Variants in USP32 observed in about 807,000 individuals in gnomAD.
USP32 encodes ubiquitin specific peptidase 32, also known as ubiquitin carboxyl-terminal hydrolase 32.
A neutral mutation model predicts 204.8 loss-of-function variants in USP32; 59 were observed. The observed-to-expected ratio is 0.29, with a 90% confidence interval of 0.23 to 0.36. The LOEUF (loss-of-function observed/expected upper bound fraction) is 0.36, where lower values mean the gene tolerates loss of function less well. Ranked by LOEUF, USP32 falls within the 10% of genes least tolerant of loss-of-function variation. The pLI, the probability that USP32 is intolerant of heterozygous loss-of-function variation, is 1.00. For synonymous variants in USP32, 517 were observed against 678.4 expected (o/e 0.76, Z 3.70); for missense variants, 1,160 against 1,946.4 (o/e 0.60, Z 7.60).
At chr17:60,258,357 T>C (rs1309340308) in intron 9 of USP32, 3 of 184,084 alleles carry the variant, frequency 1.6e-5, no homozygotes, top group Non-Finnish European at 3.9e-5. Flanking sequence ...TTTTAGAACA[T>C]CAGAACTCTT....
At chr17:60,407,599 C>T (rs1402130931) in intron 1 of USP32, among the ~76,000 whole-genome samples, 1 of 151,964 alleles carries the variant, frequency 6.6e-6, no homozygotes, top group Non-Finnish European at 1.5e-5. Context: ...GGGAAGACTA[C>T]AAAATACAGA....
chr17:60,273,172 C>T (rs780309235), intron 5 of USP32, among the ~76,000 whole-genome samples: 2 of 152,154 alleles, frequency 1.3e-5, no homozygotes, highest in South Asian at 2.1e-4. Context: ...GGAGTTTCGC[C>T]GTATCACCCA....
intron 1 of USP32, among the ~76,000 whole-genome samples, chr17:60,371,253 TAAAAAAAAAAAAAAA>T (rs373242290): frequency 4.5e-5 from 3 of 66,294 alleles, no homozygotes; most frequent in African/African-American, 1.6e-4. Context: ...CTCTAAAAAT[TAAAAAAAAAAAAAAA>T]AAAAAAAAAA....
At chr17:60,369,151 C>T (rs1490128096) in intron 1 of USP32, among the ~76,000 whole-genome samples, 8 of 143,088 alleles carry the variant, frequency 5.6e-5, no homozygotes, top group African/African-American at 2.3e-4. Flanking sequence ...CCCGCCACTA[C>T]GCCCGGCTAA....
chr17:60,282,847 C>T (rs147694276), intron 5 of USP32, among the ~76,000 whole-genome samples: 41 of 152,262 alleles, frequency 2.7e-4, no homozygotes, highest in African/African-American at 8.9e-4. Flanking sequence ...CTTTAAGAGG[C>T]TGAAAAATTT....
At chr17:60,194,333 C>T (rs1227859621) in intron 27 of USP32, among the ~76,000 whole-genome samples, 14 of 152,120 alleles carry the variant, frequency 9.2e-5, no homozygotes, top group African/African-American at 1.9e-4. Flanking sequence ...CGTGAGTCAC[C>T]GCACCCTACC....
At chr17:60,184,028 T>C (rs1395583076) in intron 30 of USP32, among the ~76,000 whole-genome samples, 1 of 152,124 alleles carries the variant, frequency 6.6e-6, no homozygotes, top group African/African-American at 2.4e-5. Flanking sequence ...GGCTCACGCC[T>C]ATAAACCCCG....
chr17:60,222,505 T>C lies in USP32; in HGVS notation c.1653A>G (p.Pro551=), dbSNP rs201029256. The C allele has an allele frequency of 6.2e-6, 10 of 1,614,148 alleles. No individual in the cohort carries two copies. Among genetic ancestry groups the C allele is most frequent in the Non-Finnish European group, 8.5e-6 (10 of 1,180,014 alleles). The change falls in exon 15 of 34, where the codon CCA becomes CCG. Residue 551 remains proline, a synonymous_variant. Transcript: ENST00000300896. ...CATAGTCTCTTCCATGAATCAGCTG[T>C]GGAGTTCGTTTTAATCGTCCTCCTT... The part of the protein sequence containing the change: ...TLEGGRLKRT[P]QLIHGRDYEM...
chr17:60,396,464 A>G (rs911527683), upstream of USP32, among the ~76,000 whole-genome samples: 9 of 152,244 alleles, frequency 5.9e-5, no homozygotes, highest in Non-Finnish European at 1.0e-4. Context: ...AAATATTGAA[A>G]GAATGACTAA....
intron 2 of USP32, among the ~76,000 whole-genome samples, chr17:60,306,691 A>C (rs1408486207): frequency 1.3e-5 from 2 of 152,166 alleles, no homozygotes; most frequent in Admixed American, 1.3e-4. Flanking sequence ...CAGAGCAATC[A>C]GGCAAGAGAA....
At position 60,301,510 on chromosome 17, in the gene USP32, CAATT is replaced by C. The variant is rs373335526; in HGVS notation, c.292+85_292+88del. The C allele has an allele frequency of 3.5e-4, 266 of 751,982 alleles. 1 individual carries two copies. In the African/African-American group the frequency reaches 4.5e-3, roughly 13 times the overall value. 46.6% of individuals were successfully genotyped at this position (751,982 alleles called of 1,614,324 possible). ...TTGTATATCTTCTTTGGGAAAATGT[CAATT>C]CAAATCCTCTACCTGTCATCAGAAT... On this transcript the variant is annotated intron_variant, in intron 3 of 33. Transcript: ENST00000300896.
intron 5 of USP32, among the ~76,000 whole-genome samples, chr17:60,283,467 CATT>C (rs1294352481): frequency 4.6e-5 from 7 of 152,002 alleles, no homozygotes; most frequent in East Asian, 3.9e-4. Context: ...CCTTTCGTAT[CATT>C]GAGAGGAAGT....
At chr17:60,414,620 G>T (rs1015975196) in intron 1 of USP32, among the ~76,000 whole-genome samples, 1 of 151,386 alleles carries the variant, frequency 6.6e-6, no homozygotes, top group South Asian at 2.1e-4. Context: ...GTAGAGACGG[G>T]GTTTTGCCAT....
At chr17:60,363,382 G>A (rs1337436813) in intron 1 of USP32, among the ~76,000 whole-genome samples, 1 of 150,328 alleles carries the variant, frequency 6.7e-6, no homozygotes, top group Non-Finnish European at 1.5e-5. Context: ...TTGAACCCGG[G>A]AGGTGGAGGT....
At chr17:60,190,454 G>C in intron 29 of USP32, 109 bp downstream of exon 29, 1 of 1,409,146 alleles carries the variant, frequency 7.1e-7, no homozygotes, top group South Asian at 1.7e-5. Context: ...GCCAATGAAG[G>C]TTTTTCTGGT....
chr17:60,416,367 A>G (rs1450122098), intron 1 of USP32, among the ~76,000 whole-genome samples: 1 of 152,188 alleles, frequency 6.6e-6, no homozygotes, highest in African/African-American at 2.4e-5. Context: ...GAGGTAAAGC[A>G]TGATGATTAT....
At chr17:60,420,645 A>G (rs951050450) in intron 1 of USP32, among the ~76,000 whole-genome samples, 8 of 152,202 alleles carry the variant, frequency 5.3e-5, no homozygotes, top group Non-Finnish European at 1.2e-4. Flanking sequence ...AGCCTGGGCA[A>G]TAAGAGCAAA....
intron 2 of USP32, among the ~76,000 whole-genome samples, chr17:60,334,719 A>T (rs2088476241): frequency 7.0e-6 from 1 of 143,168 alleles, no homozygotes; most frequent in Non-Finnish European, 1.5e-5. Context: ...AAGAAACATA[A>T]ACAGTTGATA....
chr17:60,327,802 C>T (rs2088281371), intron 2 of USP32, among the ~76,000 whole-genome samples: 1 of 152,228 alleles, frequency 6.6e-6, no homozygotes, highest in South Asian at 2.1e-4. Context: ...AGCCCCTGCT[C>T]CAATCTTGGA....
Sources: gnomAD v4.1 joint callset for allele counts (sites outside exome capture counted in the v4.1 genomes callset) on GRCh38, gnomAD v4.1.1 for gene constraint, MANE v1.5 for transcripts, NCBI Gene and HGNC (gene_info 2026-07-23, HGNC 2026-07-21) for gene names.